Variants in SMARCA4 observed in about 807,000 individuals in gnomAD.
SMARCA4 encodes SWI/SNF related BAF chromatin remodeling complex subunit ATPase 4.
In SMARCA4, 31 loss-of-function variants were observed where a neutral mutation model predicts 193.9. That is an observed-to-expected ratio of 0.16 (90% CI 0.12 to 0.22). The LOEUF is 0.22. Ranked by LOEUF, SMARCA4 falls within the 10% of genes least tolerant of loss-of-function variation. The pLI, the probability that SMARCA4 is intolerant of heterozygous loss-of-function variation, is 1.00. For synonymous variants in SMARCA4, 942 were observed against 933.1 expected (o/e 1.01, Z -0.17); for missense variants, 1,148 against 2,296.0 (o/e 0.50, Z 10.22).
intron 14 of SMARCA4, among the ~76,000 whole-genome samples, chr19:11,008,973 CAA>C (rs558392151): frequency 4.0e-5 from 2 of 50,006 alleles, no homozygotes; most frequent in Non-Finnish European, 3.7e-5. Flanking sequence ...GACTCCATCT[CAA>C]AAAAAAAAAA....
intron 16 of SMARCA4, among the ~76,000 whole-genome samples, chr19:11,013,564 C>T (rs1231811612): frequency 2.0e-5 from 3 of 152,100 alleles, no homozygotes; most frequent in Admixed American, 6.5e-5. Flanking sequence ...CTCTGGGTCC[C>T]GGATCAAGTG....
At chr19:11,051,522 C>G (rs146405435) in intron 30 of SMARCA4, among the ~76,000 whole-genome samples, 1 of 147,106 alleles carries the variant, frequency 6.8e-6, no homozygotes, top group African/African-American at 2.5e-5. Context: ...GACAGAGTCT[C>G]ACTCTGTCGC....
Position 10,984,240 on chromosome 19 carries a change from C to G in SMARCA4, c.89C>G (p.Pro30Arg), listed in dbSNP as rs2145722893. 1 of 1,612,758 alleles carries G rather than the reference C, an allele frequency of 6.2e-7. No individual in the cohort carries two copies. Among genetic ancestry groups the G allele is most frequent in the Non-Finnish European group, 8.5e-7 (1 of 1,179,602 alleles). Residue 30 changes from proline to arginine, a missense_variant, in exon 2 of 35, where the codon CCT becomes CGT. By Grantham distance (103) the Pro-to-Arg change is moderately radical. This residue lies in a region of SMARCA4 where 201 missense variants were observed against 248.3 expected (regional missense o/e 0.81). Transcript: ENST00000344626. This position sits in a 1 kb window ranked among gnomAD's most constrained non-coding sequence, Gnocchi z 4.3. ...CCTTCCCCTGGAGCCATGCTGGGCCCTAGCCCGGGTCCCTCGCCGGGCTCC... is the reference window on the plus strand; with the variant it reads ...CCTTCCCCTGGAGCCATGCTGGGCCGTAGCCCGGGTCCCTCGCCGGGCTCC... ...PGPSPGAMLG[P>R]SPGPSPGSAH... is the part of the protein sequence containing the mutation.
chr19:11,055,423 C>T (rs1450615029), intron 30 of SMARCA4, among the ~76,000 whole-genome samples: 10 of 152,012 alleles, frequency 6.6e-5, no homozygotes, highest in East Asian at 1.9e-4. Context: ...CTCCGGACTT[C>T]GTGATCCACC....
rs927262491 is a variant in SMARCA4 at position 11,027,865 on chromosome 19, G to T, written c.3297G>T (p.Val1099=). 6.2e-7 allele frequency: 1 copy of T among 1,614,004 alleles called. No homozygotes were observed. Among genetic ancestry groups the T allele is most frequent in the Non-Finnish European group, 8.5e-7 (1 of 1,180,032 alleles). The stretch of plus-strand genomic sequence containing the variant: ...AACTCCGAGCAACCAACCACAAAGT[G>T]CTGCTGTTCTGCCAAATGACCTCCC... ...LPKLRATNHK[V]LLFCQMTSLM... The change falls in exon 24 of 35, where the codon GTG becomes GTT. Residue 1099 remains valine, a synonymous_variant. Transcript: ENST00000344626.
At position 10,971,076 on chromosome 19, in the gene SMARCA4, A is replaced by G. The variant is rs112844541; in HGVS notation, c.-32+9902A>G. 9.3e-3 allele frequency among the ~76,000 whole-genome samples: 1,423 copies of G among 152,260 alleles called. 23 individuals are homozygous for G. Among genetic ancestry groups the G allele is most frequent in the African/African-American group, 0.031 (1,270 of 41,552 alleles). On this transcript the variant is annotated intron_variant, in intron 1 of 34. Transcript: ENST00000344626. ...CTGGGCGTGGTGGCGCGTGCCTGTA[A>G]TCCCAGCTACTTGAGAGGCTGAGGC...
rs1410636303 is a variant in SMARCA4, at chr19:11,059,749, C to G, written c.4636-4C>G. On this transcript the variant is annotated splice_region_variant and splice_polypyrimidine_tract_variant and intron_variant, in intron 32 of 34. Coordinates refer to ENST00000344626, the MANE Select transcript of SMARCA4 (RefSeq NM_003072.5). ...CCACTCAAGCCCCTGGTGTCTCTGC[C>G]CAGATCTATGAAGACTCCATCGTCT... is the stretch of plus-strand genomic sequence containing the variant. The G allele has an allele frequency of 6.4e-7, 1 of 1,563,628 alleles. No individual in the cohort carries two copies. Among genetic ancestry groups the G allele is most frequent in the South Asian group, 1.2e-5 (1 of 85,072 alleles).
At chr19:10,976,986 G>C (rs113103057) in intron 1 of SMARCA4, among the ~76,000 whole-genome samples, 1 of 151,996 alleles carries the variant, frequency 6.6e-6, no homozygotes, top group African/African-American at 2.4e-5. Context: ...GAACCTAGGA[G>C]GCGGAGGTTG....
At chr19:10,978,236 G>A (rs1302287365) in intron 1 of SMARCA4, among the ~76,000 whole-genome samples, 2 of 152,146 alleles carry the variant, frequency 1.3e-5, no homozygotes, top group African/African-American at 2.4e-5. Context: ...ATGACCTTAC[G>A]GTAGACGAGG....
Position 11,058,106 on chromosome 19 carries a change from C to CAAA in SMARCA4, c.4425-138_4425-136dup, listed in dbSNP as rs34910111. 65 of 545,736 alleles carry CAAA rather than the reference C, an allele frequency of 1.2e-4. No homozygotes were observed. The highest frequency in any genetic ancestry group is 4.9e-4 in the Middle Eastern group (1 of 2,042). 33.8% of individuals were successfully genotyped at this position (545,736 alleles called of 1,614,324 possible). A position where few individuals can be genotyped will look rare whatever the true frequency, so the allele number is the denominator to read the frequency against. ...GGGCAGCAAGAGCGAAACTCCGTCT[C>CAAA]AAAAAAAAAAAAAGCGCATGTGCAA... On this transcript the variant is annotated intron_variant, in intron 30 of 34. Transcript: ENST00000344626. The surrounding 1 kb of genome is among the most constrained non-coding windows in gnomAD (Gnocchi z 5.8).
Position 11,019,102 on chromosome 19 carries a change from T to C in SMARCA4, c.2505+79T>C. 1 of 1,071,068 alleles carries C rather than the reference T, an allele frequency of 9.3e-7. No individual in the cohort carries two copies. The highest frequency in any genetic ancestry group is 1.5e-6 in the Non-Finnish European group (1 of 685,566). 66.3% of individuals were successfully genotyped at this position (1,071,068 alleles called of 1,614,324 possible). ...TGGGCAGGACGTCCACACATACCTC[T>C]GGACAGTGAACCTGAGAATGCTGGG... On this transcript the variant is annotated intron_variant, in intron 17 of 34. Transcript: ENST00000344626. The surrounding 1 kb of genome is among the most constrained non-coding windows in gnomAD (Gnocchi z 6.1).
intron 11 of SMARCA4, among the ~76,000 whole-genome samples, chr19:10,999,956 T>A (rs1218991309): frequency 6.6e-6 from 1 of 152,182 alleles, no homozygotes; most frequent in East Asian, 1.9e-4. Flanking sequence ...CCGGGTGCGG[T>A]GGCTCATGCC....
At chr19:11,042,394 G>C (rs2075669786) in intron 30 of SMARCA4, among the ~76,000 whole-genome samples, 2 of 152,248 alleles carry the variant, frequency 1.3e-5, no homozygotes, top group Non-Finnish European at 2.9e-5. Context: ...AGCTGGGCAG[G>C]AGCCAGCAAA....
In SMARCA4 at chr19:11,027,961, G is replaced by A; in HGVS notation, c.3382+11G>A. On this transcript the variant is annotated intron_variant, in intron 24 of 34. Transcript: ENST00000344626. ...ACCTCAGGCTTGATGGTGAGTATGA[G>A]CCAGTGAGGCGTTTCTTACAGGGTT... 1 of 1,613,810 alleles carries A rather than the reference G, an allele frequency of 6.2e-7. No homozygotes were observed. The highest frequency in any genetic ancestry group is 8.5e-7 in the Non-Finnish European group (1 of 1,179,708).
intron 1 of SMARCA4, among the ~76,000 whole-genome samples, chr19:10,982,539 G>A (rs1443820526): frequency 2.0e-5 from 3 of 149,152 alleles, no homozygotes; most frequent in South Asian, 2.1e-4. Context: ...TTGCTCTGTC[G>A]CCCAGGCTGG....
rs773010358 is a variant in SMARCA4, at chr19:10,986,256, G to A, written c.423G>A (p.Ser141=). Residue 141 remains serine, a synonymous_variant, in exon 4 of 35, where the codon TCG becomes TCA. Transcript: ENST00000344626. This position sits in a 1 kb window ranked among gnomAD's most constrained non-coding sequence, Gnocchi z 6.7. ...CAGTTCCAGCCAGTGGCCCGTCTTC[G>A]GGGCCCCAGATGTCTTCCGGGCCAG... ...SSPVPASGPS[S]GPQMSSGPGG... The A allele has an allele frequency of 4.3e-6, 7 of 1,613,782 alleles. No homozygotes were observed. The highest frequency in any genetic ancestry group is 1.3e-5 in the African/African-American group (1 of 75,008).
intron 30 of SMARCA4, among the ~76,000 whole-genome samples, chr19:11,043,728 C>T (rs1390103470): frequency 6.6e-6 from 1 of 152,038 alleles, no homozygotes; most frequent in East Asian, 1.9e-4. Flanking sequence ...AATCCCAGCA[C>T]TTTGGGAGGC....
At chr19:11,048,811 C>T (rs1167011031) in intron 30 of SMARCA4, among the ~76,000 whole-genome samples, 4 of 152,186 alleles carry the variant, frequency 2.6e-5, no homozygotes, top group Admixed American at 6.5e-5. Context: ...TTGTGTTTGA[C>T]GTGACCTCTG....
At chr19:11,046,964 A>G (rs1226333501) in intron 30 of SMARCA4, among the ~76,000 whole-genome samples, 1 of 151,908 alleles carries the variant, frequency 6.6e-6, no homozygotes, top group Admixed American at 6.6e-5. Context: ...AAAAAAAAAA[A>G]AAAGCAAAAG....
Sources: allele counts gnomAD v4.1 joint callset (sites outside exome capture counted in the v4.1 genomes callset), GRCh38; gene constraint gnomAD v4.1.1; regional missense constraint gnomAD v4.1.1; non-coding constraint Gnocchi (gnomAD v3.1); transcripts MANE v1.5; gene names NCBI Gene and HGNC (gene_info 2026-07-23, HGNC 2026-07-21).